The following PTPRJ variants were observed in gnomAD, a reference collection of about 807,000 sequenced individuals.
PTPRJ encodes the protein protein tyrosine phosphatase receptor type J, also known as receptor-type tyrosine-protein phosphatase eta.
In PTPRJ, 129 loss-of-function variants were observed where a neutral mutation model predicts 141.3. That is an observed-to-expected ratio of 0.91 (90% CI 0.79 to 1.06). The LOEUF (loss-of-function observed/expected upper bound fraction) is 1.06, where lower values mean the gene tolerates loss of function less well. PTPRJ is among the 50% of genes least tolerant of loss of function. The pLI, the probability that PTPRJ is intolerant of heterozygous loss-of-function variation, is 0.00. For synonymous variants in PTPRJ, 610 were observed against 640.5 expected, an observed-to-expected ratio of 0.95 and a Z score of 0.72; for missense variants, 1,601 against 1,679.7, an observed-to-expected ratio of 0.95 and a Z score of 0.82.
intron 1 of PTPRJ, among the ~76,000 whole-genome samples, chr11:48,095,321 T>C (rs375519371): frequency 3.3e-5 from 5 of 152,330 alleles, no homozygotes; most frequent in African/African-American, 1.2e-4. Flanking sequence ...GAATTTTTGC[T>C]TTTTCTTTGT....
intron 1 of PTPRJ, among the ~76,000 whole-genome samples, chr11:47,985,543 C>G (rs902265540): frequency 3.9e-5 from 6 of 152,272 alleles, no homozygotes; most frequent in Middle Eastern, 3.4e-3. Flanking sequence ...AAATAATTTA[C>G]TATAGATTCA....
At chr11:48,009,652 G>A (rs1480163613) in intron 1 of PTPRJ, among the ~76,000 whole-genome samples, 1 of 152,204 alleles carries the variant, frequency 6.6e-6, no homozygotes, top group Non-Finnish European at 1.5e-5. Flanking sequence ...TGCTTTATAT[G>A]GATATGTGGT....
intron 14 of PTPRJ, among the ~76,000 whole-genome samples, chr11:48,145,959 C>G (rs991384313): frequency 6.6e-5 from 10 of 151,996 alleles, no homozygotes; most frequent in Admixed American, 6.5e-4. Flanking sequence ...CTCAAGGGAT[C>G]CTCCTGCCTC....
intron 1 of PTPRJ, among the ~76,000 whole-genome samples, chr11:48,003,598 C>T (rs547941861): frequency 2.4e-4 from 37 of 152,300 alleles, no homozygotes; most frequent in Non-Finnish European, 4.3e-4. Flanking sequence ...CAGGTTCAAG[C>T]GATTCTCCTG....
intron 1 of PTPRJ, among the ~76,000 whole-genome samples, chr11:48,053,168 TA>T (rs1388366766): frequency 3.7e-5 from 4 of 107,362 alleles, no homozygotes; most frequent in Admixed American, 1.5e-4. Context: ...ATTATATATA[TA>T]AAAATATATA....
chr11:48,032,641 C>T (rs1378600328), intron 1 of PTPRJ, among the ~76,000 whole-genome samples: 1 of 152,150 alleles, frequency 6.6e-6, no homozygotes, highest in Non-Finnish European at 1.5e-5. Context: ...TGCCTGTAAT[C>T]CCAGCTACTC....
rs1023151487 is a variant in PTPRJ at position 48,168,186 on chromosome 11, A to C, written c.*824A>C. 2.0e-5 allele frequency: 3 copies of C among 151,780 alleles called. No individual in the cohort carries two copies. Among genetic ancestry groups the C allele is most frequent in the Non-Finnish European group, 4.4e-5 (3 of 67,978 alleles). The allele number at this position is 151,780 out of a possible 1,614,324, so 9.4% of individuals were successfully genotyped here. ...GGGTGAGAATGGCGACTCAAATATC[A>C]CCTTGAGAATTTCTGTGGGTGGGAA... On this transcript the variant is annotated 3_prime_UTR_variant, in exon 25 of 25. Transcript: ENST00000418331.
At chr11:48,106,703 C>G (rs574370874) in intron 1 of PTPRJ, among the ~76,000 whole-genome samples, 85 of 151,050 alleles carry the variant, frequency 5.6e-4, no homozygotes, top group Middle Eastern at 3.4e-3. Flanking sequence ...GTAAATGCAG[C>G]TGGTAAGATC....
chr11:48,033,218 A>T (rs1254180102), intron 1 of PTPRJ, among the ~76,000 whole-genome samples: 1 of 151,934 alleles, frequency 6.6e-6, no homozygotes, highest in Admixed American at 6.6e-5. Context: ...GGCCTGGAAG[A>T]CTCACTGGCA....
Position 48,139,069 on chromosome 11 carries a change from G to T in PTPRJ, c.2153-417G>T, listed in dbSNP as rs76460130. Among the ~76,000 whole-genome samples, 1,292 of 152,230 alleles carry T rather than the reference G, an allele frequency of 8.5e-3. 20 individuals are homozygous for T. The highest frequency in any genetic ancestry group is 0.03 in the African/African-American group (1,242 of 41,522). On this transcript the variant is annotated intron_variant, in intron 10 of 24. Transcript: ENST00000418331. ...AATTGTTTGAACCCGGGAGGTGGAC[G>T]TTGCGGTGAGCTGAGATTGCGCCAT...
At chr11:48,045,583 C>T (rs192205006) in intron 1 of PTPRJ, among the ~76,000 whole-genome samples, 33 of 152,342 alleles carry the variant, frequency 2.2e-4, no homozygotes, top group South Asian at 1.0e-3. Context: ...CCCTTCTCTC[C>T]GCCTCCCTTT....
At chr11:48,086,922 A>G (rs1326475532) in intron 1 of PTPRJ, among the ~76,000 whole-genome samples, 1 of 152,154 alleles carries the variant, frequency 6.6e-6, no homozygotes, top group Admixed American at 6.6e-5. Context: ...GCATACTTTG[A>G]TAGAAAATGG....
In PTPRJ at chr11:48,086,083, T is replaced by C. The variant is rs568250659; in HGVS notation, c.97-23975T>C. Among the ~76,000 whole-genome samples the C allele has an allele frequency of 7.2e-5, 11 of 152,306 alleles. No homozygotes were observed. In the South Asian group the frequency reaches 1.2e-3, roughly 17 times the overall value. Reference sequence around the variant, plus strand: ...CTCCTCTGAAAGAGATTGGTGAGAATTGAAACAGTGAAAGAAGATTTTAGA... The same window carrying C: ...CTCCTCTGAAAGAGATTGGTGAGAACTGAAACAGTGAAAGAAGATTTTAGA... On this transcript the variant is annotated intron_variant, in intron 1 of 24. Transcript: ENST00000418331.
chr11:48,148,589 CACCATGCCTG>C (rs1429945726), intron 15 of PTPRJ, among the ~76,000 whole-genome samples: 1 of 152,160 alleles, frequency 6.6e-6, no homozygotes, highest in Non-Finnish European at 1.5e-5. Flanking sequence ...AGGTGCCCGC[CACCATGCCTG>C]GCTATTTTTT....
intron 1 of PTPRJ, among the ~76,000 whole-genome samples, chr11:48,001,133 A>G (rs1379045483): frequency 2.0e-5 from 3 of 151,880 alleles, no homozygotes; most frequent in Non-Finnish European, 4.4e-5. Context: ...AGTTGGGACT[A>G]CAGGCATGTG....
At chr11:47,987,226 AAAAT>A (rs1187089422) in intron 1 of PTPRJ, among the ~76,000 whole-genome samples, 3 of 152,174 alleles carry the variant, frequency 2.0e-5, no homozygotes, top group African/African-American at 7.2e-5. Context: ...AAAAAAATAA[AAAAT>A]AATTTATTTT....
chr11:48,057,188 C>T (rs1398075018), intron 1 of PTPRJ, among the ~76,000 whole-genome samples: 29 of 152,082 alleles, frequency 1.9e-4, no homozygotes, highest in Admixed American at 1.6e-3. Context: ...GTGTGGTGCG[C>T]GGCTGTGAGT....
In PTPRJ at chr11:48,130,461, C is replaced by A; in HGVS notation, c.1360C>A (p.Pro454Thr). Residue 454 changes from proline (P) to threonine (T), a missense_variant and splice_region_variant, in exon 8 of 25, where the codon CCT becomes ACT. Coordinates refer to ENST00000418331, the MANE Select transcript of PTPRJ (RefSeq NM_002843.4). The part of the protein sequence containing the change: ...TPGFLQVHTP[P>T]VPVSDFRVTV... The stretch of plus-strand genomic sequence containing the variant: ...AGTTGTTTACTTTCTTTGCATAGCC[C>A]CTGTTCCAGTTTCTGACTTCCGAGT... The A allele has an allele frequency of 6.2e-7, 1 of 1,609,218 alleles. No homozygotes were observed. The highest frequency in any genetic ancestry group is 8.5e-7 in the Non-Finnish European group (1 of 1,176,868).
At position 48,040,609 on chromosome 11, in the gene PTPRJ, C is replaced by CTTT. The variant is rs371103069; in HGVS notation, c.96+59603_96+59604insTTT. 1.6e-3 allele frequency among the ~76,000 whole-genome samples: 237 copies of CTTT among 146,068 alleles called. 6 individuals carry two copies. Among genetic ancestry groups the CTTT allele is most frequent in the African/African-American group, 5.9e-3 (218 of 36,900 alleles). ...TCTTACTTTCTTTCTTCTTCTTCTT[C>CTTT]TTCTTTTTTTTTTTTTTTTGAGACG... is the stretch of plus-strand genomic sequence containing the variant. On this transcript the variant is annotated intron_variant, in intron 1 of 24. Coordinates refer to ENST00000418331, the MANE Select transcript of PTPRJ (RefSeq NM_002843.4).
Sources: gnomAD v4.1 joint callset for allele counts (sites outside exome capture counted in the v4.1 genomes callset) on GRCh38, gnomAD v4.1.1 for gene constraint, MANE v1.5 for transcripts, NCBI Gene and HGNC (gene_info 2026-07-23, HGNC 2026-07-21) for gene names.